CACNG2: variants seen among roughly 807,000 people sequenced by gnomAD.
The protein encoded by CACNG2 is voltage-dependent calcium channel gamma-2 subunit.
A neutral mutation model predicts 25.9 loss-of-function variants in CACNG2; 3 were observed. The observed-to-expected ratio is 0.12, with a 90% CI of 0.05 to 0.30. The LOEUF (loss-of-function observed/expected upper bound fraction) is 0.30. CACNG2 is among the 10% of genes least tolerant of loss of function. CACNG2 has a pLI of 1.00. For missense variants in CACNG2, 341 were observed against 432.5 expected, an observed-to-expected ratio of 0.79 and a Z score of 1.88; for synonymous variants, 167 against 173.3, an observed-to-expected ratio of 0.96 and a Z score of 0.29.
intron 1 of CACNG2, among the ~76,000 whole-genome samples, chr22:36,669,307 G>A (rs566607882): frequency 6.6e-6 from 1 of 151,684 alleles, no homozygotes; most frequent in African/African-American, 2.4e-5. Context: ...TTTGAGACCA[G>A]CCTGGCCAAC....
chr22:36,580,658 A>C (rs1422404158), intron 2 of CACNG2, among the ~76,000 whole-genome samples: 4 of 152,012 alleles, frequency 2.6e-5, no homozygotes, highest in Non-Finnish European at 5.9e-5. Context: ...GAGTGGGGAG[A>C]CCTGACCATA....
rs575397901 is a variant in CACNG2, at chr22:36,679,136, C to CCCTT, written c.211+23226_211+23229dup. ...TATCTGCCAGCATTTTGGATTTTCT[C>CCCTT]CCTTCCTTCCTTCCTTCCTTCCTTC... is the stretch of plus-strand genomic sequence containing the variant. On this transcript the variant is annotated intron_variant, in intron 1 of 3. Transcript: ENST00000300105. Among the ~76,000 whole-genome samples, 604 of 128,410 alleles carry CCCTT rather than the reference C, an allele frequency of 4.7e-3. 3 individuals carry two copies. The highest frequency in any genetic ancestry group is 5.5e-3 in the African/African-American group (180 of 32,894). 84.2% of individuals were successfully genotyped at this position (128,410 alleles called of 152,430 possible).
chr22:36,692,950 A>G (rs1937284157), intron 1 of CACNG2, among the ~76,000 whole-genome samples: 2 of 152,254 alleles, frequency 1.3e-5, no homozygotes, highest in South Asian at 4.1e-4. Context: ...GTCCAAGACC[A>G]GCCTGGCCAA....
intron 1 of CACNG2, among the ~76,000 whole-genome samples, chr22:36,615,463 G>A (rs2145944816): frequency 6.6e-6 from 1 of 152,162 alleles, no homozygotes; most frequent in Non-Finnish European, 1.5e-5. Flanking sequence ...TTCCCCTCTG[G>A]GCCTCTTGCA....
In CACNG2 at chr22:36,566,383, G is replaced by A. The variant is rs758556301; in HGVS notation, c.406C>T (p.Leu136=). 45 of 1,614,054 alleles carry A rather than the reference G, an allele frequency of 2.8e-5. No homozygotes were observed. Among genetic ancestry groups the A allele is most frequent in the Admixed American group, 6.7e-5 (4 of 60,006 alleles). ...EFYKTRHNII[L]SAGIFFVSAG... is the part of the protein sequence containing the mutation. Reference sequence around the variant, plus strand: ...GACACGAAGAAGATGCCGGCACTCAGGATGATGTTGTGTCGAGTTTTGTAG... The same window carrying A: ...GACACGAAGAAGATGCCGGCACTCAAGATGATGTTGTGTCGAGTTTTGTAG... The change falls in exon 3 of 4, where the codon CTG becomes TTG. Residue 136 remains leucine (L), a synonymous_variant. Coordinates refer to ENST00000300105, the MANE Select transcript of CACNG2 (RefSeq NM_006078.5).
chr22:36,624,037 C>A (rs566159505), intron 1 of CACNG2, among the ~76,000 whole-genome samples: 1 of 152,298 alleles, frequency 6.6e-6, no homozygotes, highest in East Asian at 1.9e-4. Flanking sequence ...GACTCCTCAC[C>A]TCATCTCATT....
At chr22:36,678,532 C>T (rs1937045426) in intron 1 of CACNG2, among the ~76,000 whole-genome samples, 1 of 152,010 alleles carries the variant, frequency 6.6e-6, no homozygotes, top group Admixed American at 6.5e-5. Flanking sequence ...ATTCTCAAGC[C>T]TTCTCCCCCA....
At chr22:36,618,753 T>C (rs1222171006) in intron 1 of CACNG2, among the ~76,000 whole-genome samples, 1 of 152,080 alleles carries the variant, frequency 6.6e-6, no homozygotes, top group Non-Finnish European at 1.5e-5. Context: ...ACCCCGTCTC[T>C]ACTAAAAATA....
chr22:36,613,381 C>T (rs1455853942), intron 1 of CACNG2, among the ~76,000 whole-genome samples: 1 of 152,110 alleles, frequency 6.6e-6, no homozygotes, highest in Admixed American at 6.5e-5. Context: ...ATACATGTCC[C>T]TACAGTCAGC....
intron 1 of CACNG2, among the ~76,000 whole-genome samples, chr22:36,635,668 GGGAGTTTCCC>G (rs1936346359): frequency 6.6e-6 from 1 of 152,040 alleles, no homozygotes; most frequent in South Asian, 2.1e-4. Context: ...ACTCCCTACA[GGGAGTTTCCC>G]GTATCTCCAA....
At chr22:36,700,552 A>G (rs1937398835) in intron 1 of CACNG2, among the ~76,000 whole-genome samples, 1 of 152,194 alleles carries the variant, frequency 6.6e-6, no homozygotes, top group African/African-American at 2.4e-5. Flanking sequence ...TGCCACTATG[A>G]TCATTTCCCT....
At chr22:36,669,805 C>T (rs566693285) in intron 1 of CACNG2, among the ~76,000 whole-genome samples, 5 of 152,138 alleles carry the variant, frequency 3.3e-5, no homozygotes, top group East Asian at 1.9e-4. Context: ...CTCCGCCTCC[C>T]GGGTTCAAGC....
intron 1 of CACNG2, among the ~76,000 whole-genome samples, chr22:36,607,084 G>A (rs930350354): frequency 5.9e-5 from 9 of 152,102 alleles, no homozygotes; most frequent in Middle Eastern, 3.2e-3. Context: ...AGGTTAATGT[G>A]ACCAGATCTG....
Position 36,579,772 on chromosome 22 carries a change from T to C in CACNG2, c.295+7693A>G, listed in dbSNP as rs567702778. On this transcript the variant is annotated intron_variant, in intron 2 of 3. Coordinates refer to ENST00000300105, the MANE Select transcript of CACNG2 (RefSeq NM_006078.5). ...GCTTCAGATGCTTTGCACTGGCGGT[T>C]CCCTCTGCCTGAATGCTCTTCCAGG... Among the ~76,000 whole-genome samples the C allele has an allele frequency of 5.1e-4, 78 of 152,300 alleles. 1 individual carries two copies. The highest frequency in any genetic ancestry group is 1.8e-3 in the African/African-American group (75 of 41,550).
At chr22:36,618,807 C>A (rs945477031) in intron 1 of CACNG2, among the ~76,000 whole-genome samples, 5 of 152,128 alleles carry the variant, frequency 3.3e-5, no homozygotes, top group African/African-American at 9.7e-5. Context: ...ATAGTCCCAG[C>A]TACTTGGTAG....
At chr22:36,569,798 C>T (rs1243127557) in intron 2 of CACNG2, among the ~76,000 whole-genome samples, 4 of 152,196 alleles carry the variant, frequency 2.6e-5, no homozygotes, top group African/African-American at 9.6e-5. Context: ...CCTCGGCCTT[C>T]CAAAGTGCTG....
At chr22:36,622,000 G>C (rs914602721) in intron 1 of CACNG2, among the ~76,000 whole-genome samples, 1 of 152,166 alleles carries the variant, frequency 6.6e-6, no homozygotes, top group Non-Finnish European at 1.5e-5. Context: ...CCTATGTGCC[G>C]CTCACTCTGC....
chr22:36,604,003 C>A (rs1231239361), intron 1 of CACNG2, among the ~76,000 whole-genome samples: 2 of 151,934 alleles, frequency 1.3e-5, no homozygotes, highest in Admixed American at 6.6e-5. Context: ...TGGATCTGGG[C>A]AAAGTAAATA....
At chr22:36,654,846 T>G (rs144819231) in intron 1 of CACNG2, among the ~76,000 whole-genome samples, 13 of 152,282 alleles carry the variant, frequency 8.5e-5, no homozygotes, top group African/African-American at 2.6e-4. Context: ...TAGGCAAATG[T>G]TTTGGGACGT....
Sources: allele counts gnomAD v4.1 joint callset (sites outside exome capture counted in the v4.1 genomes callset), GRCh38; gene constraint gnomAD v4.1.1; transcripts MANE v1.5; gene names NCBI Gene and HGNC (gene_info 2026-07-23, HGNC 2026-07-21).